L1TD1: variants seen among roughly 807,000 people sequenced by gnomAD.
L1TD1 encodes the protein LINE1 type transposase domain containing 1.
In L1TD1, 26 loss-of-function variants were observed where a neutral mutation model predicts 25.7. The ratio of observed to expected loss-of-function variants is 1.01; its 90% CI spans 0.74 to 1.40. The LOEUF is 1.40. L1TD1 is among the 40% of genes most tolerant of loss of function. L1TD1 has a pLI of 0.00. For missense variants in L1TD1, 1,130 were observed against 975.0 expected, an observed-to-expected ratio of 1.16 and a Z score of -2.12; for synonymous variants, 421 against 335.6, an observed-to-expected ratio of 1.25 and a Z score of -2.78.
chr1:62,210,652 A>T lies in L1TD1; in HGVS notation c.1878A>T (p.Arg626Ser). ...GAAGTAGTGTGATTAATAGCATCAG[A>T]GAGATAAAAGAGGAGATTGGAAATT... ...NLRSSVINSI[R>S]EIKEEIGNLK... is the part of the protein sequence containing the mutation. The change falls in exon 4 of 4, where the codon AGA becomes AGT. Residue 626 changes from arginine (R) to serine (S), a missense_variant. Physicochemically the swap from Arg to Ser is moderately radical, Grantham distance 110. Coordinates refer to ENST00000498273, the MANE Select transcript of L1TD1 (RefSeq NM_019079.5). The T allele has an allele frequency of 6.4e-7, 1 of 1,566,368 alleles. No individual in the cohort carries two copies. Among genetic ancestry groups the T allele is most frequent in the Non-Finnish European group, 8.7e-7 (1 of 1,154,930 alleles).
Position 62,196,451 on chromosome 1 carries a change from T to C in L1TD1, c.-188T>C, listed in dbSNP as rs955118972. On this transcript the variant is annotated 5_prime_UTR_variant, in exon 2 of 4. Coordinates refer to ENST00000498273, the MANE Select transcript of L1TD1 (RefSeq NM_019079.5). The stretch of plus-strand genomic sequence containing the variant: ...GAATTCTAGGCACCAAGGCACAGCT[T>C]AGAGTAGACCCGAGTCCTGCTCTGC... 2 of 152,192 alleles carry C rather than the reference T, an allele frequency of 1.3e-5. No homozygotes were observed. Among genetic ancestry groups the C allele is most frequent in the African/African-American group, 4.8e-5 (2 of 41,436 alleles). The allele number at this position is 152,192 out of a possible 1,614,324, so 9.4% of individuals were successfully genotyped here.
chr1:62,210,098 C>T lies in L1TD1; in HGVS notation c.1324C>T (p.Gln442Ter). ...GGAGGAAGAGGAACAGACTTCAGAACAGGACTCAACCTTTCAGGGTCATAC... is the reference window on the plus strand; with the variant it reads ...GGAGGAAGAGGAACAGACTTCAGAATAGGACTCAACCTTTCAGGGTCATAC... ...LEEEEEQTSE[Q>*]DSTFQGHTLV... Residue 442 changes from glutamine to a stop codon, truncating the protein, a stop_gained, in exon 4 of 4, where the codon CAG (glutamine) becomes TAG (stop). Transcript: ENST00000498273. LOFTEE classifies it low-confidence loss of function (END_TRUNC). 1 of 1,613,998 alleles carries T rather than the reference C, an allele frequency of 6.2e-7. No homozygotes were observed. Among genetic ancestry groups the T allele is most frequent in the Non-Finnish European group, 8.5e-7 (1 of 1,180,008 alleles).
intron 2 of L1TD1, among the ~76,000 whole-genome samples, chr1:62,200,964 G>C (rs977421497): frequency 1.3e-5 from 2 of 151,010 alleles, no homozygotes; most frequent in African/African-American, 2.4e-5. Flanking sequence ...AGTCTTGCTC[G>C]CTCTGTTGCC....
intron 2 of L1TD1, among the ~76,000 whole-genome samples, chr1:62,201,870 T>A (rs1315121994): frequency 6.6e-6 from 1 of 152,212 alleles, no homozygotes; most frequent in Non-Finnish European, 1.5e-5. Flanking sequence ...GTCTCCTGAA[T>A]GAGAGTGGGC....
chr1:62,209,589 G>A (rs2481695), intron 3 of L1TD1, among the ~76,000 whole-genome samples, 194 bp from the exon 4 acceptor site: 52,692 of 151,952 alleles, frequency 0.35, 9,863 homozygotes, highest in Non-Finnish European at 0.43. Context: ...CAAATATCTT[G>A]AGATGATCAT....
At chr1:62,197,239 T>C (rs573058091) in intron 2 of L1TD1, among the ~76,000 whole-genome samples, 1 of 151,154 alleles carries the variant, frequency 6.6e-6, no homozygotes, top group South Asian at 2.1e-4. Context: ...GTACCAAAAT[T>C]AGCTGGGCAT....
At chr1:62,204,124 T>A (rs1350882216) in intron 2 of L1TD1, among the ~76,000 whole-genome samples, 1 of 152,238 alleles carries the variant, frequency 6.6e-6, no homozygotes, top group African/African-American at 2.4e-5. Flanking sequence ...TGCTCCCATT[T>A]TTGAACCATG....
rs1670780179 is a variant in L1TD1, at chr1:62,207,659, GTA to G, written c.1008+26_1008+27del. 4 of 1,489,298 alleles carry G rather than the reference GTA, an allele frequency of 2.7e-6. No homozygotes were observed. In the East Asian group the frequency reaches 9.9e-5, roughly 37 times the overall value. The allele number at this position is 1,489,298 out of a possible 1,614,324, so 92.3% of individuals were successfully genotyped here. Reference sequence around the variant, plus strand: ...AGGGTAAGCATACAAATGTATAAATGTATAAAGCTTATGTATAAATGTAATAG... The same window carrying G: ...AGGGTAAGCATACAAATGTATAAATGTAAAGCTTATGTATAAATGTAATAG... On this transcript the variant is annotated intron_variant, in intron 3 of 3. Coordinates refer to ENST00000498273, the MANE Select transcript of L1TD1 (RefSeq NM_019079.5).
In L1TD1 at chr1:62,210,140, C is replaced by T. The variant is rs547499700; in HGVS notation, c.1366C>T (p.His456Tyr). 1.7e-5 allele frequency: 27 copies of T among 1,613,886 alleles called. No homozygotes were observed. The South Asian group carries it at 2.6e-4, about 16-fold the overall frequency. The change falls in exon 4 of 4, where the codon CAT becomes TAT. Residue 456 changes from histidine to tyrosine, a missense_variant. Transcript: ENST00000498273. Reference protein sequence around the residue: ...FQGHTLVDAKHEVEITSDGME... With the variant: ...FQGHTLVDAKYEVEITSDGME... ...GGGTCATACTTTGGTAGATGCAAAG[C>T]ATGAAGTTGAGATAACCAGTGATGG...
At position 62,211,575 on chromosome 1, in the gene L1TD1, G is replaced by A; in HGVS notation, c.*203G>A. 1.3e-6 allele frequency: 1 copy of A among 764,996 alleles called. No homozygotes were observed. Among genetic ancestry groups the A allele is most frequent in the Non-Finnish European group, 1.9e-6 (1 of 535,632 alleles). 47.4% of individuals were successfully genotyped at this position (764,996 alleles called of 1,614,324 possible). A position where few individuals can be genotyped will look rare whatever the true frequency, so the allele number is the denominator to read the frequency against. ...AAAAATAGGCTGGTCTCAATGTAGT[G>A]AGTTATTTCAGTTGATCACAGTCAG... is the stretch of plus-strand genomic sequence containing the variant. On this transcript the variant is annotated 3_prime_UTR_variant, in exon 4 of 4. Transcript: ENST00000498273.
At position 62,211,125 on chromosome 1, in the gene L1TD1, C is replaced by G; in HGVS notation, c.2351C>G (p.Thr784Ser). ...GCTTCTAGAGAGAGAAGAGAAATTA[C>G]CTACCAAGGAACAAGAATCAGGTTG... ...IRASRERREI[T>S]YQGTRIRLTA... is the part of the protein sequence containing the mutation. The change falls in exon 4 of 4, where the codon ACC becomes AGC. Residue 784 changes from threonine to serine, a missense_variant. Coordinates refer to ENST00000498273, the MANE Select transcript of L1TD1 (RefSeq NM_019079.5). 3.9e-6 allele frequency: 6 copies of G among 1,548,598 alleles called. No individual in the cohort carries two copies. Among genetic ancestry groups the G allele is most frequent in the Non-Finnish European group, 5.2e-6 (6 of 1,146,364 alleles).
intron 3 of L1TD1, among the ~76,000 whole-genome samples, chr1:62,208,984 C>A (rs893949739): frequency 6.6e-6 from 1 of 152,150 alleles, no homozygotes; most frequent in African/African-American, 2.4e-5. Flanking sequence ...GGCACCTAAC[C>A]TGTCTGGTGG....
intron 2 of L1TD1, among the ~76,000 whole-genome samples, chr1:62,204,291 C>G (rs1242842503): frequency 6.6e-6 from 1 of 152,014 alleles, no homozygotes; most frequent in Non-Finnish European, 1.5e-5. Flanking sequence ...GGTAATTTAA[C>G]TTTAATTTTT....
In L1TD1 at chr1:62,207,007, G is replaced by A. The variant is rs1282684645; in HGVS notation, c.379G>A (p.Gly127Ser). ...GKIEGENSKI[G>S]DDNENLTFKL... ...AATAGAAGGAGAAAACTCTAAAATA[G>A]GTGATGATAATGAAAATTTAACCTT... The change falls in exon 3 of 4, where the codon GGT (glycine) becomes AGT (serine). Residue 127 changes from glycine (G) to serine (S), a missense_variant. Transcript: ENST00000498273. 6.2e-7 allele frequency: 1 copy of A among 1,613,220 alleles called. No homozygotes were observed. The highest frequency in any genetic ancestry group is 8.5e-7 in the Non-Finnish European group (1 of 1,179,750).
intron 3 of L1TD1, 33 bp downstream of exon 3, chr1:62,207,669 T>C: frequency 6.8e-7 from 1 of 1,475,314 alleles, no homozygotes; most frequent in Non-Finnish European, 9.0e-7. Context: ...GTATAAAGCT[T>C]ATGTATAAAT....
intron 1 of L1TD1, among the ~76,000 whole-genome samples, chr1:62,196,166 G>A (rs1670535625): frequency 1.3e-5 from 2 of 152,106 alleles, no homozygotes; most frequent in Non-Finnish European, 2.9e-5. Context: ...AAAGGAAAGC[G>A]TGCCTTCCAT....
In L1TD1 at chr1:62,210,746, A is replaced by G. The variant is rs1670850892; in HGVS notation, c.1972A>G (p.Ile658Val). The G allele has an allele frequency of 6.4e-7, 1 of 1,551,532 alleles. No individual in the cohort carries two copies. The highest frequency in any genetic ancestry group is 1.4e-5 in the African/African-American group (1 of 73,062). ...SVDDLSSRMD[I>V]LEERIDSLED... is the part of the protein sequence containing the mutation. ...AGATGATCTGAGTAGCAGAATGGAC[A>G]TACTTGAAGAAAGAATAGACAGTCT... is the stretch of plus-strand genomic sequence containing the variant. The change falls in exon 4 of 4, where the codon ATA (isoleucine) becomes GTA (valine). Residue 658 changes from isoleucine to valine, a missense_variant. Coordinates refer to ENST00000498273, the MANE Select transcript of L1TD1 (RefSeq NM_019079.5).
At chr1:62,205,452 T>TTTTTTTTTTTTTTTTAA in intron 2 of L1TD1, among the ~76,000 whole-genome samples, 1 of 125,158 alleles carries the variant, frequency 8.0e-6, no homozygotes, top group Non-Finnish European at 1.6e-5. Flanking sequence ...TATTTTTTTT[T>TTTTTTTTTTTTTTTTAA]AGACAGTCTT....
chr1:62,200,532 T>C (rs954734556), intron 2 of L1TD1, among the ~76,000 whole-genome samples: 3 of 152,124 alleles, frequency 2.0e-5, no homozygotes, highest in African/African-American at 7.2e-5. Flanking sequence ...TATATAGTTA[T>C]ATCTATTCTA....
Sources: gnomAD v4.1 joint callset for allele counts (sites outside exome capture counted in the v4.1 genomes callset) on GRCh38, gnomAD v4.1.1 for gene constraint, MANE v1.5 for transcripts, NCBI Gene and HGNC (gene_info 2026-07-23, HGNC 2026-07-21) for gene names.